ATG10: variants seen among roughly 807,000 people sequenced by gnomAD.
ATG10 encodes the protein ubiquitin-like-conjugating enzyme ATG10.
In ATG10, 30 loss-of-function variants were observed where a neutral mutation model predicts 32.1. The observed-to-expected ratio is 0.94, with a 90% CI of 0.70 to 1.27. The LOEUF (loss-of-function observed/expected upper bound fraction) is 1.27. Ranked by LOEUF, ATG10 falls within the 50% of genes most tolerant of loss-of-function variation. ATG10 has a pLI of 0.00. For missense variants in ATG10, 233 were observed against 262.3 expected (o/e 0.89, Z 0.77); for synonymous variants, 87 against 91.5 (o/e 0.95, Z 0.28).
chr5:82,201,672 C>T lies in ATG10; in HGVS notation c.453+23085C>T, dbSNP rs528474568. 4.5e-3 allele frequency among the ~76,000 whole-genome samples: 681 copies of T among 152,248 alleles called. 2 individuals carry two copies. Among genetic ancestry groups the T allele is most frequent in the Non-Finnish European group, 7.6e-3 (519 of 68,020 alleles). On this transcript the variant is annotated intron_variant, in intron 5 of 7. Coordinates refer to ENST00000282185, the MANE Select transcript of ATG10 (RefSeq NM_031482.5). ...TTTTGAATCAGCTTCTGAATACCCA[C>T]GAAAAATACTGCTGAGATTTTAACT...
At chr5:82,055,820 T>C (rs2149746240) in intron 2 of ATG10, among the ~76,000 whole-genome samples, 1 of 152,326 alleles carries the variant, frequency 6.6e-6, no homozygotes, top group Non-Finnish European at 1.5e-5. Flanking sequence ...TATAATACTG[T>C]ATTTTTGCTG....
chr5:81,989,826 G>A lies in ATG10; in HGVS notation c.108+2148G>A, dbSNP rs1479827987. 2.0e-5 allele frequency among the ~76,000 whole-genome samples: 3 copies of A among 151,980 alleles called. No individual in the cohort carries two copies. The East Asian group carries it at 5.8e-4, about 29-fold the overall frequency. The stretch of plus-strand genomic sequence containing the variant: ...ACCATGGTCTCGATCTCCTGACCTT[G>A]TGATCTGCCTGCCTCGGCCTCCCAA... On this transcript the variant is annotated intron_variant, in intron 2 of 7. Coordinates refer to ENST00000282185, the MANE Select transcript of ATG10 (RefSeq NM_031482.5).
At chr5:82,145,606 G>A (rs1473870467) in intron 3 of ATG10, among the ~76,000 whole-genome samples, 4 of 151,962 alleles carry the variant, frequency 2.6e-5, no homozygotes, top group African/African-American at 9.7e-5. Flanking sequence ...GAACCTCAGT[G>A]TGTACAGATG....
chr5:82,201,838 C>T (rs1745081394), intron 5 of ATG10, among the ~76,000 whole-genome samples: 1 of 152,176 alleles, frequency 6.6e-6, no homozygotes. Flanking sequence ...TTTAAGCATG[C>T]AGATCCTGTA....
chr5:82,199,554 A>G (rs7701992), intron 5 of ATG10, among the ~76,000 whole-genome samples: 37,855 of 152,138 alleles, frequency 0.25, 6,258 homozygotes, highest in African/African-American at 0.48. Context: ...TGATATCAAT[A>G]TAAGCATATT....
In ATG10 at chr5:82,252,585, C is replaced by A. The variant is rs776446418; in HGVS notation, c.477C>A (p.Pro159=). The A allele has an allele frequency of 6.2e-7, 1 of 1,608,892 alleles. No homozygotes were observed. Among genetic ancestry groups the A allele is most frequent in the East Asian group, 2.2e-5 (1 of 44,720 alleles). The change falls in exon 6 of 8, where the codon CCC becomes CCA. Residue 159 remains proline (P), a synonymous_variant. Transcript: ENST00000282185. The part of the protein sequence containing the change: ...TQQEHPILGQ[P]FFVLHPCKTN... ...AGGAACATCCAATACTTGGGCAACCCTTTTTTGTACTTCATCCCTGCAAGA... is the reference window on the plus strand; with the variant it reads ...AGGAACATCCAATACTTGGGCAACCATTTTTTGTACTTCATCCCTGCAAGA...
intron 1 of ATG10, among the ~76,000 whole-genome samples, chr5:81,974,605 T>G (rs908001190): frequency 2.6e-5 from 4 of 152,212 alleles, no homozygotes; most frequent in African/African-American, 9.6e-5. Flanking sequence ...GTTTTTTGGT[T>G]TCTTCTTTTG....
chr5:82,167,675 G>A (rs1743635879), intron 4 of ATG10, among the ~76,000 whole-genome samples: 2 of 152,140 alleles, frequency 1.3e-5, no homozygotes, highest in African/African-American at 4.8e-5. Context: ...ACTCAAAAGT[G>A]GGTATCCAAA....
At chr5:82,100,000 GTTT>G (rs869311526) in intron 3 of ATG10, among the ~76,000 whole-genome samples, 3 of 58,952 alleles carry the variant, frequency 5.1e-5, no homozygotes, top group African/African-American at 1.4e-4. Context: ...CTTTTTCTGT[GTTT>G]TTTTTTTTTT....
At chr5:82,065,433 G>A (rs537003124) in intron 3 of ATG10, among the ~76,000 whole-genome samples, 1 of 151,298 alleles carries the variant, frequency 6.6e-6, no homozygotes, top group African/African-American at 2.4e-5. Flanking sequence ...AGTGAGCCGA[G>A]ATTGCACCAC....
At chr5:82,020,080 A>G (rs1402485108) in intron 2 of ATG10, among the ~76,000 whole-genome samples, 1 of 152,158 alleles carries the variant, frequency 6.6e-6, no homozygotes, top group Non-Finnish European at 1.5e-5. Context: ...CCACGTGGAG[A>G]GATATTGACA....
intron 3 of ATG10, among the ~76,000 whole-genome samples, chr5:82,145,530 A>C (rs1767315223): frequency 6.6e-6 from 1 of 152,108 alleles, no homozygotes; most frequent in Non-Finnish European, 1.5e-5. Flanking sequence ...ATATTACTTC[A>C]TTAGTCATAT....
intron 5 of ATG10, among the ~76,000 whole-genome samples, chr5:82,198,421 C>A (rs1002398542): frequency 1.3e-5 from 2 of 152,090 alleles, no homozygotes; most frequent in Admixed American, 1.3e-4. Flanking sequence ...CACCACCATG[C>A]CTGGCTAATT....
intron 3 of ATG10, among the ~76,000 whole-genome samples, chr5:82,158,465 C>A (rs2149891917): frequency 7.0e-6 from 1 of 143,276 alleles, no homozygotes; most frequent in Admixed American, 7.4e-5. Flanking sequence ...GACCTTTTTT[C>A]CTGCCATTAT....
At chr5:82,053,645 G>A (rs1200157100) in intron 2 of ATG10, among the ~76,000 whole-genome samples, 1 of 129,866 alleles carries the variant, frequency 7.7e-6, no homozygotes, top group Non-Finnish European at 1.7e-5. Flanking sequence ...GAAGAGTTTT[G>A]GCTGTGAGGA....
chr5:82,185,360 G>C (rs780073228), intron 5 of ATG10, among the ~76,000 whole-genome samples: 3 of 152,138 alleles, frequency 2.0e-5, no homozygotes, highest in Non-Finnish European at 2.9e-5. Context: ...GAATGAATGG[G>C]GTTGGAGGGA....
chr5:82,127,896 C>G (rs1052950219), intron 3 of ATG10, among the ~76,000 whole-genome samples: 1 of 151,772 alleles, frequency 6.6e-6, no homozygotes, highest in African/African-American at 2.4e-5. Flanking sequence ...AAGTCTTCCA[C>G]TATTATTGTG....
chr5:82,032,962 A>G (rs781142502), intron 2 of ATG10, among the ~76,000 whole-genome samples: 2 of 152,140 alleles, frequency 1.3e-5, no homozygotes, highest in Non-Finnish European at 2.9e-5. Context: ...GATGGAGCTC[A>G]TGCATTTTCT....
chr5:82,139,961 G>A (rs1767008138), intron 3 of ATG10, among the ~76,000 whole-genome samples: 1 of 131,328 alleles, frequency 7.6e-6, no homozygotes, highest in Admixed American at 7.1e-5. Flanking sequence ...CCTCCGCCCG[G>A]CCAGCCGCCC....
Sources: allele counts gnomAD v4.1 joint callset (sites outside exome capture counted in the v4.1 genomes callset), GRCh38; gene constraint gnomAD v4.1.1; transcripts MANE v1.5; gene names NCBI Gene and HGNC (gene_info 2026-07-23, HGNC 2026-07-21).